Variants in VWA2 observed in about 807,000 individuals in gnomAD.
VWA2 encodes the protein von Willebrand factor A domain containing 2, also known as von Willebrand factor A domain-containing protein 2.
Under a neutral mutation model 70.4 loss-of-function variants are expected in VWA2, and 73 were observed. That is an observed-to-expected ratio of 1.04 (90% CI 0.86 to 1.26). The LOEUF is 1.26. VWA2 is among the 50% of genes most tolerant of loss of function. The probability of loss-of-function intolerance (pLI) is 0.00; values close to 1 mark genes in which losing one functional copy is unlikely to be tolerated. For missense variants in VWA2, 1,011 were observed against 998.5 expected (o/e 1.01, Z -0.17); for synonymous variants, 407 against 423.3 (o/e 0.96, Z 0.47).
intron 3 of VWA2, 98 bp from the exon 4 acceptor site, chr10:114,254,817 C>T: frequency 6.6e-7 from 1 of 1,508,992 alleles, no homozygotes; most frequent in African/African-American, 1.4e-5. Context: ...AGAGGGACAG[C>T]AGCCTGGCCC....
rs114154525 is a variant in VWA2, at chr10:114,279,702, C to T, written c.833+851C>T. Reference sequence around the variant, plus strand: ...TCTCAAGTGAAAGGAGGAGTTGATTCGTTCCTTGGTGGCCACTTTCTAAGT... The same window carrying T: ...TCTCAAGTGAAAGGAGGAGTTGATTTGTTCCTTGGTGGCCACTTTCTAAGT... On this transcript the variant is annotated intron_variant, in intron 8 of 13. Transcript: ENST00000392982. 3.9e-3 allele frequency among the ~76,000 whole-genome samples: 590 copies of T among 152,306 alleles called. 3 individuals are homozygous for T. The highest frequency in any genetic ancestry group is 0.013 in the African/African-American group (544 of 41,560).
In VWA2 at chr10:114,246,329, C is replaced by T. The variant is rs543509005; in HGVS notation, c.-10-2375C>T. On this transcript the variant is annotated intron_variant, in intron 1 of 13. Coordinates refer to ENST00000392982, the MANE Select transcript of VWA2 (RefSeq NM_001272046.2). Reference sequence around the variant, plus strand: ...CAGCCTGATCAACATGGTGAAACCCCGTCTCTACTAAAAATACAAAAATTA... The same window carrying T: ...CAGCCTGATCAACATGGTGAAACCCTGTCTCTACTAAAAATACAAAAATTA... The T allele has an allele frequency of 1.4e-4, 79 of 569,612 alleles. 1 individual carries two copies. The highest frequency in any genetic ancestry group is 7.0e-4 in the Admixed American group (25 of 35,494). The allele number at this position is 569,612 out of a possible 1,614,324, so 35.3% of individuals were successfully genotyped here.
At position 114,290,266 on chromosome 10, in the gene VWA2, A is replaced by C; in HGVS notation, c.2149A>C (p.Lys717Gln). 1 of 1,550,592 alleles carries C rather than the reference A, an allele frequency of 6.4e-7. No homozygotes were observed. The highest frequency in any genetic ancestry group is 8.7e-7 in the Non-Finnish European group (1 of 1,146,984). The change falls in exon 13 of 14, where the codon AAA (lysine) becomes CAA (glutamine). Residue 717 changes from lysine (K) to glutamine (Q), a missense_variant. By Grantham distance (53) the Lys-to-Gln change is moderately conservative. Coordinates refer to ENST00000392982, the MANE Select transcript of VWA2 (RefSeq NM_001272046.2). ...GEAKQPVNLCKPSPCMNEGSC... is the reference protein window; with the variant it reads ...GEAKQPVNLCQPSPCMNEGSC... ...AGCCAAGCAGCCAGTCAACCTCTGC[A>C]AACCCAGCCCGTGCATGAATGAGGG...
chr10:114,254,200 T>G (rs2037269917), intron 3 of VWA2, among the ~76,000 whole-genome samples: 1 of 151,840 alleles, frequency 6.6e-6, no homozygotes, highest in Non-Finnish European at 1.5e-5. Context: ...GCCTCCCAAA[T>G]AGCTGGGACC....
chr10:114,246,788 T>C, intron 1 of VWA2: 1 of 1,189,942 alleles, frequency 8.4e-7, no homozygotes, highest in South Asian at 1.2e-5. Flanking sequence ...CTACTAAAAT[T>C]TATTTTACCA....
chr10:114,292,510 T>C lies in VWA2; in HGVS notation c.*1273T>C, dbSNP rs755768136. Among the ~76,000 whole-genome samples, 3 of 151,498 alleles carry C rather than the reference T, an allele frequency of 2.0e-5. No homozygotes were observed. The highest frequency in any genetic ancestry group is 1.5e-5 in the Non-Finnish European group (1 of 67,934). ...TTTTAAAGAAATATTTCAAGAAATGTTGGTTATTTATTAAACAGGGATATT... is the reference window on the plus strand; with the variant it reads ...TTTTAAAGAAATATTTCAAGAAATGCTGGTTATTTATTAAACAGGGATATT... On this transcript the variant is annotated 3_prime_UTR_variant, in exon 14 of 14. Transcript: ENST00000392982.
chr10:114,251,272 G>A (rs2037190832), intron 2 of VWA2, among the ~76,000 whole-genome samples: 1 of 152,248 alleles, frequency 6.6e-6, no homozygotes, highest in African/African-American at 2.4e-5. Flanking sequence ...GCAGCTGCCT[G>A]TTCAGGGGGA....
Position 114,289,108 on chromosome 10 carries a change from A to T in VWA2, c.1741A>T (p.Thr581Ser). The T allele has an allele frequency of 1.9e-6, 3 of 1,614,116 alleles. No homozygotes were observed. Among genetic ancestry groups the T allele is most frequent in the South Asian group, 2.2e-5 (2 of 91,082 alleles). The change falls in exon 12 of 14, where the codon ACT becomes TCT. Residue 581 changes from threonine to serine, a missense_variant. By Grantham distance (58) the Thr-to-Ser change is moderately conservative (BLOSUM62 1). Coordinates refer to ENST00000392982, the MANE Select transcript of VWA2 (RefSeq NM_001272046.2). ...GGTGGTGTATGGCAGCCAGGTGCAG[A>T]CTGCCTTCGGGCTGGACACCAAACC... is the stretch of plus-strand genomic sequence containing the variant. The part of the protein sequence containing the change: ...GLVVYGSQVQ[T>S]AFGLDTKPTR...
intron 11 of VWA2, among the ~76,000 whole-genome samples, chr10:114,287,151 G>A (rs2039001219): frequency 6.6e-6 from 1 of 152,198 alleles, no homozygotes. Flanking sequence ...CAGAGGCCTG[G>A]CCCATGGCCA....
At chr10:114,273,085 C>T (rs1234831451) in intron 6 of VWA2, 151 bp downstream of exon 6, 1 of 594,270 alleles carries the variant, frequency 1.7e-6, no homozygotes, top group South Asian at 3.6e-5. Flanking sequence ...GACTCCAGTG[C>T]ACAGGAAGCT....
intron 6 of VWA2, among the ~76,000 whole-genome samples, chr10:114,273,690 T>C (rs1232952548): frequency 6.6e-6 from 1 of 152,232 alleles, no homozygotes; most frequent in African/African-American, 2.4e-5. Context: ...CAGAAATCTC[T>C]TCATTAATTT....
intron 1 of VWA2, among the ~76,000 whole-genome samples, chr10:114,240,232 T>C (rs2036951804): frequency 6.6e-6 from 1 of 152,248 alleles, no homozygotes; most frequent in Non-Finnish European, 1.5e-5. Context: ...GCTTCCTGCA[T>C]GTCTCCTTCC....
intron 6 of VWA2, among the ~76,000 whole-genome samples, chr10:114,274,271 C>T (rs947725374): frequency 6.6e-6 from 1 of 152,148 alleles, no homozygotes; most frequent in Non-Finnish European, 1.5e-5. Flanking sequence ...GACAGACAGC[C>T]TTTGGAGGGT....
intron 2 of VWA2, among the ~76,000 whole-genome samples, chr10:114,249,039 G>C (rs2037138274): frequency 6.6e-6 from 1 of 152,044 alleles, no homozygotes; most frequent in Admixed American, 6.5e-5. Flanking sequence ...GGGTACATGT[G>C]CACGATGTGC....
chr10:114,281,695 G>A, intron 8 of VWA2: 4 of 981,382 alleles, frequency 4.1e-6, no homozygotes, highest in Non-Finnish European at 4.8e-6. Flanking sequence ...AGCACACCTG[G>A]GGTGGAGGGG....
At chr10:114,266,024 G>A (rs554963419) in intron 5 of VWA2, among the ~76,000 whole-genome samples, 12 of 152,228 alleles carry the variant, frequency 7.9e-5, no homozygotes, top group Admixed American at 3.3e-4. Context: ...TTGGCCGGGC[G>A]CGGTGGCTCA....
intron 6 of VWA2, among the ~76,000 whole-genome samples, chr10:114,277,663 G>A (rs754098972): frequency 5.3e-5 from 8 of 152,292 alleles, no homozygotes; most frequent in African/African-American, 9.6e-5. Flanking sequence ...GAGTTCTTAC[G>A]TCCATTGTTT....
intron 9 of VWA2, among the ~76,000 whole-genome samples, chr10:114,283,895 C>G (rs2038520656): frequency 1.3e-5 from 2 of 152,204 alleles, no homozygotes; most frequent in Non-Finnish European, 2.9e-5. Context: ...ATTTTAATTA[C>G]AATGATGTGG....
At chr10:114,285,004 T>C (rs1187326662) in intron 10 of VWA2, 34 bp downstream of exon 10, 1 of 1,508,064 alleles carries the variant, frequency 6.6e-7, no homozygotes, top group Non-Finnish European at 8.9e-7. Flanking sequence ...GACTGACCAC[T>C]GGGGAGCAAG....
Sources: gnomAD v4.1 joint callset for allele counts (sites outside exome capture counted in the v4.1 genomes callset) on GRCh38, gnomAD v4.1.1 for gene constraint, MANE v1.5 for transcripts, NCBI Gene and HGNC (gene_info 2026-07-23, HGNC 2026-07-21) for gene names.